The following TMEM196 variants were observed in gnomAD, a reference collection of about 807,000 sequenced individuals.
TMEM196 encodes transmembrane protein 196.
TMEM196 carries 17 observed loss-of-function variants against 20.0 expected under a neutral mutation model. The ratio of observed to expected loss-of-function variants is 0.85; its 90% CI spans 0.58 to 1.27. TMEM196 has a LOEUF of 1.27. Ranked by LOEUF, TMEM196 falls within the 50% of genes most tolerant of loss-of-function variation. The probability of loss-of-function intolerance (pLI) is 0.00; values close to 1 mark genes in which losing one functional copy is unlikely to be tolerated. For synonymous variants in TMEM196, 113 were observed against 88.9 expected (o/e 1.27, Z -1.52); for missense variants, 267 against 223.0 (o/e 1.20, Z -1.26).
chr7:19,753,792 C>A (rs1394945760), intron 1 of TMEM196, among the ~76,000 whole-genome samples: 1 of 152,206 alleles, frequency 6.6e-6, no homozygotes, highest in Admixed American at 6.5e-5. Flanking sequence ...AAGCTCCCTT[C>A]TTTCTGTTCA....
chr7:19,722,991 C>G (rs1394244718), intron 4 of TMEM196, among the ~76,000 whole-genome samples: 2 of 151,876 alleles, frequency 1.3e-5, no homozygotes, highest in African/African-American at 4.8e-5. Flanking sequence ...CAGCATCTTT[C>G]CATGCTTGAA....
chr7:19,766,215 T>G (rs1785622336), intron 1 of TMEM196, among the ~76,000 whole-genome samples: 1 of 152,176 alleles, frequency 6.6e-6, no homozygotes, highest in South Asian at 2.1e-4. Context: ...TGATTGTCAT[T>G]TAATTTTAAT....
intron 1 of TMEM196, among the ~76,000 whole-genome samples, chr7:19,760,206 C>T (rs1244497136): frequency 1.3e-5 from 2 of 152,066 alleles, no homozygotes; most frequent in African/African-American, 4.8e-5. Context: ...CACGCTATTC[C>T]TCTGCATGAA....
chr7:19,727,650 T>C (rs1372682519), intron 2 of TMEM196, among the ~76,000 whole-genome samples: 1 of 152,214 alleles, frequency 6.6e-6, no homozygotes, highest in African/African-American at 2.4e-5. Context: ...TTACTCATTC[T>C]CTGAAAATAC....
Position 19,770,953 on chromosome 7 carries a change from G to GT in TMEM196, c.147+1596_147+1597insA, listed in dbSNP as rs564502600. ...TGACTCAATTTGTTGAATTTCGTTG[G>GT]GGGCGGGGATTGAGCTGTAGAGTAT... On this transcript the variant is annotated intron_variant, in intron 1 of 4. Coordinates refer to ENST00000405844, the MANE Select transcript of TMEM196 (RefSeq NM_001363562.2). 3.4e-3 allele frequency among the ~76,000 whole-genome samples: 514 copies of GT among 152,010 alleles called. 5 individuals are homozygous for GT. Among genetic ancestry groups the GT allele is most frequent in the African/African-American group, 0.012 (482 of 41,438 alleles).
intron 2 of TMEM196, among the ~76,000 whole-genome samples, chr7:19,728,506 A>G (rs560547023): frequency 2.0e-4 from 31 of 152,320 alleles, no homozygotes; most frequent in African/African-American, 7.2e-4. Context: ...TCTCACGAAG[A>G]AAGATGTGAT....
At chr7:19,766,894 G>C (rs770787931) in intron 1 of TMEM196, among the ~76,000 whole-genome samples, 1 of 151,958 alleles carries the variant, frequency 6.6e-6, no homozygotes, top group African/African-American at 2.4e-5. Context: ...GGATAATCTG[G>C]CTCATAATTA....
chr7:19,731,237 AT>A (rs1784190627), intron 1 of TMEM196, among the ~76,000 whole-genome samples: 1 of 152,172 alleles, frequency 6.6e-6, no homozygotes, highest in Non-Finnish European at 1.5e-5. Context: ...CTAATAAAAT[AT>A]TTTTAGTATT....
At chr7:19,752,771 C>T (rs1439886810) in intron 1 of TMEM196, among the ~76,000 whole-genome samples, 4 of 151,878 alleles carry the variant, frequency 2.6e-5, no homozygotes, top group Non-Finnish European at 4.4e-5. Context: ...CGCACAACTA[C>T]GCCTGGCTAA....
intron 1 of TMEM196, among the ~76,000 whole-genome samples, chr7:19,765,059 A>G (rs1785574280): frequency 6.6e-6 from 1 of 152,200 alleles, no homozygotes; most frequent in African/African-American, 2.4e-5. Flanking sequence ...TAAATAAGTA[A>G]GTTCCTTTTT....
At chr7:19,767,167 T>A (rs762454927) in intron 1 of TMEM196, among the ~76,000 whole-genome samples, 2 of 152,070 alleles carry the variant, frequency 1.3e-5, no homozygotes, top group Non-Finnish European at 2.9e-5. Flanking sequence ...GTGAACAGAA[T>A]CTAGACTAAG....
intron 1 of TMEM196, among the ~76,000 whole-genome samples, chr7:19,732,554 C>A (rs1455952184): frequency 2.2e-5 from 3 of 134,902 alleles, no homozygotes; most frequent in African/African-American, 5.5e-5. Flanking sequence ...GCCTGGGTGA[C>A]AGATCAAGAC....
intron 1 of TMEM196, among the ~76,000 whole-genome samples, chr7:19,748,263 C>CAAAAAAAAAAAAAAAAAA (rs57276805): frequency 4.8e-5 from 1 of 20,780 alleles, no homozygotes; most frequent in African/African-American, 1.7e-4. Flanking sequence ...TGTGGCTGTC[C>CAAAAAAAAAAAAAAAAAA]AAAAAAAAAA....
At chr7:19,740,887 G>A (rs986196594) in intron 1 of TMEM196, among the ~76,000 whole-genome samples, 1 of 152,150 alleles carries the variant, frequency 6.6e-6, no homozygotes, top group Non-Finnish European at 1.5e-5. Flanking sequence ...GAAGATTGAG[G>A]TTGAAGGCTG....
intron 1 of TMEM196, among the ~76,000 whole-genome samples, chr7:19,755,542 T>C (rs1430913681): frequency 6.6e-6 from 1 of 152,142 alleles, no homozygotes; most frequent in Non-Finnish European, 1.5e-5. Flanking sequence ...AGTAAAAAAA[T>C]AAGATTGAAA....
intron 1 of TMEM196, among the ~76,000 whole-genome samples, chr7:19,740,423 T>A (rs897436801): frequency 5.3e-5 from 8 of 152,186 alleles, no homozygotes; most frequent in African/African-American, 1.7e-4. Flanking sequence ...TGAACTTTTG[T>A]TGAATGCTTT....
At chr7:19,758,561 C>G (rs1205873406) in intron 1 of TMEM196, among the ~76,000 whole-genome samples, 2 of 152,126 alleles carry the variant, frequency 1.3e-5, no homozygotes, top group East Asian at 1.9e-4. Flanking sequence ...CTACAGCTAG[C>G]CAGCTATGCT....
intron 1 of TMEM196, among the ~76,000 whole-genome samples, chr7:19,749,426 G>A (rs866086287): frequency 2.6e-5 from 4 of 152,282 alleles, no homozygotes; most frequent in South Asian, 2.1e-4. Context: ...CACAAAATTA[G>A]TATCCAAGTG....
intron 1 of TMEM196, among the ~76,000 whole-genome samples, chr7:19,770,859 A>G (rs928841966): frequency 3.0e-4 from 46 of 152,138 alleles, no homozygotes; most frequent in African/African-American, 1.1e-3. Flanking sequence ...CTAAGCTAAC[A>G]TAACCATTTT....
Sources: allele counts gnomAD v4.1 joint callset (sites outside exome capture counted in the v4.1 genomes callset), GRCh38; gene constraint gnomAD v4.1.1; transcripts MANE v1.5; gene names NCBI Gene and HGNC (gene_info 2026-07-23, HGNC 2026-07-21).